Variants in FHAD1 observed in about 807,000 individuals in gnomAD.
FHAD1 encodes forkhead-associated domain-containing protein 1.
In FHAD1, 146 loss-of-function variants were observed where a neutral mutation model predicts 191.3. That is an observed-to-expected ratio of 0.76 (90% confidence interval 0.67 to 0.88). The LOEUF is 0.88. FHAD1 is among the 40% of genes least tolerant of loss of function. FHAD1 has a pLI of 0.00. For synonymous variants in FHAD1, 616 were observed against 672.3 expected, an observed-to-expected ratio of 0.92 and a Z score of 1.29; for missense variants, 1,635 against 1,785.8, an observed-to-expected ratio of 0.92 and a Z score of 1.52.
chr1:15,354,128 T>C (rs1462457279), intron 20 of FHAD1, among the ~76,000 whole-genome samples: 2 of 152,186 alleles, frequency 1.3e-5, no homozygotes, highest in East Asian at 3.8e-4. Flanking sequence ...ACATCAACCT[T>C]GGATCATTTT....
chr1:15,289,675 C>G lies in FHAD1; in HGVS notation c.568+9C>G. On this transcript the variant is annotated intron_variant, in intron 4 of 33. Coordinates refer to ENST00000688493, the MANE Select transcript of FHAD1 (RefSeq NM_001391957.1). This position sits in a 1 kb window ranked among gnomAD's most constrained non-coding sequence, Gnocchi z 4.2. Reference sequence around the variant, plus strand: ...ACCCGTCATCAAGCAAGGTATGCGTCAGGGCTGCCATTGGTGGCTTGGGGG... The same window carrying G: ...ACCCGTCATCAAGCAAGGTATGCGTGAGGGCTGCCATTGGTGGCTTGGGGG... The G allele has an allele frequency of 6.5e-7, 1 of 1,539,736 alleles. No individual in the cohort carries two copies. The highest frequency in any genetic ancestry group is 8.8e-7 in the Non-Finnish European group (1 of 1,137,488).
intron 3 of FHAD1, among the ~76,000 whole-genome samples, chr1:15,273,775 C>G (rs189732913): frequency 5.9e-4 from 90 of 152,310 alleles, no homozygotes; most frequent in Non-Finnish European, 1.1e-3. Context: ...TTCTAAGGAA[C>G]AGTTCAGTGT....
intron 5 of FHAD1, 66 bp downstream of exon 5, chr1:15,296,859 T>A (rs35516622): frequency 0.012 from 16,310 of 1,323,482 alleles, 274 homozygotes; most frequent in African/African-American, 0.073. Flanking sequence ...GACTTGCCGA[T>A]GCCTGTTCTG....
intron 26 of FHAD1, among the ~76,000 whole-genome samples, chr1:15,371,930 T>G (rs1186064837): frequency 6.6e-6 from 1 of 152,234 alleles, no homozygotes; most frequent in Non-Finnish European, 1.5e-5. Flanking sequence ...GCTCTGTATT[T>G]ATTGAGTACC....
In FHAD1 at chr1:15,360,462, A is replaced by G; in HGVS notation, c.2737-16A>G. 2 of 1,548,416 alleles carry G rather than the reference A, an allele frequency of 1.3e-6. No individual in the cohort carries two copies. The highest frequency in any genetic ancestry group is 2.4e-5 in the South Asian group (2 of 83,968). The stretch of plus-strand genomic sequence containing the variant: ...ACAGCTCCCAAGACCTCACTGAGTG[A>G]CTCTCTGTTTCCCAGATCATGGTGG... On this transcript the variant is annotated splice_polypyrimidine_tract_variant and intron_variant, in intron 21 of 33. Transcript: ENST00000688493.
At chr1:15,333,793 C>T (rs1431219564) in intron 14 of FHAD1, among the ~76,000 whole-genome samples, 2 of 147,618 alleles carry the variant, frequency 1.4e-5, no homozygotes, top group African/African-American at 2.5e-5. Flanking sequence ...CCCAGTGAGG[C>T]AGGTATGATT....
intron 14 of FHAD1, among the ~76,000 whole-genome samples, chr1:15,336,892 A>G (rs1261893676): frequency 6.6e-6 from 1 of 152,056 alleles, no homozygotes; most frequent in Non-Finnish European, 1.5e-5. Context: ...TTTTCCATTC[A>G]TTCCCAGCAG....
chr1:15,279,425 G>A (rs1345903061), intron 3 of FHAD1, among the ~76,000 whole-genome samples: 3 of 150,142 alleles, frequency 2.0e-5, no homozygotes, highest in African/African-American at 7.4e-5. Flanking sequence ...GGGATGCTCA[G>A]GAATCTGTCT....
At chr1:15,396,828 GTAAA>G (rs1706138066) in intron 33 of FHAD1, among the ~76,000 whole-genome samples, 1 of 151,202 alleles carries the variant, frequency 6.6e-6, no homozygotes, top group African/African-American at 2.4e-5. Flanking sequence ...ATAATAATAA[GTAAA>G]TAAATAAGTA....
downstream of FHAD1, among the ~76,000 whole-genome samples, chr1:15,400,527 GCCC>G (rs1707074308): frequency 6.6e-6 from 1 of 152,108 alleles, no homozygotes; most frequent in Non-Finnish European, 1.5e-5. Flanking sequence ...GAGCAATTTT[GCCC>G]CCCAAGAGAA....
chr1:15,251,900 C>A, intron 2 of FHAD1, 23 bp downstream of exon 2: 1 of 1,533,378 alleles, frequency 6.5e-7, no homozygotes, highest in South Asian at 1.2e-5. Flanking sequence ...CCCACCTGTT[C>A]CCGTCCCCTC....
intron 10 of FHAD1, among the ~76,000 whole-genome samples, chr1:15,323,260 T>A (rs1239149165): frequency 6.6e-6 from 1 of 152,152 alleles, no homozygotes; most frequent in Admixed American, 6.5e-5. Context: ...GGCAGTGATA[T>A]GAAGAACAGG....
Position 15,362,724 on chromosome 1 carries a change from G to A in FHAD1, c.3045G>A (p.Leu1015=), listed in dbSNP as rs1047459618. The A allele has an allele frequency of 2.6e-6, 4 of 1,551,360 alleles. No homozygotes were observed. Among genetic ancestry groups the A allele is most frequent in the East Asian group, 2.4e-5 (1 of 40,924 alleles). The part of the protein sequence containing the change: ...SSAKDMAYEH[L]IDDLLAAQKE... ...CCAAAGACATGGCGTACGAACATCT[G>A]ATGTGAGTACCCGTGGGTGTGTGAG... Residue 1015 remains leucine, a splice_region_variant and synonymous_variant, in exon 23 of 34, where the codon CTG becomes CTA. Transcript: ENST00000688493.
intron 17 of FHAD1, 67 bp from the exon 18 acceptor site, chr1:15,345,349 G>A (rs112655097): frequency 2.2e-5 from 31 of 1,431,678 alleles, no homozygotes; most frequent in African/African-American, 1.0e-4. Flanking sequence ...AAACCTGTGC[G>A]GTGCCTGGCA....
chr1:15,383,202 G>T (rs45541934), intron 31 of FHAD1: 286 of 471,490 alleles, frequency 6.1e-4, no homozygotes, highest in Non-Finnish European at 1.1e-3. Context: ...TGGTGAGGAT[G>T]AAAGAATGCA....
intron 28 of FHAD1, among the ~76,000 whole-genome samples, chr1:15,377,842 AG>A (rs1360185867): frequency 6.6e-6 from 1 of 152,134 alleles, no homozygotes; most frequent in African/African-American, 2.4e-5. Context: ...AAAAAAAAAA[AG>A]AAAAGAAAAA....
In FHAD1 at chr1:15,336,373, C is replaced by T. The variant is rs1252025341; in HGVS notation, c.1907-3108C>T. Among the ~76,000 whole-genome samples the T allele has an allele frequency of 2.0e-5, 3 of 152,172 alleles. No homozygotes were observed. In the East Asian group the frequency reaches 5.8e-4, roughly 29 times the overall value. On this transcript the variant is annotated intron_variant, in intron 14 of 33. Coordinates refer to ENST00000688493, the MANE Select transcript of FHAD1 (RefSeq NM_001391957.1). The stretch of plus-strand genomic sequence containing the variant: ...CCTCCGAATGGTGCATTGCCCCACA[C>T]AAGAACATGTTCTCCTCACTTCCTT...
At position 15,383,226 on chromosome 1, in the gene FHAD1, A is replaced by C. The variant is rs751495054; in HGVS notation, c.4188+1033A>C. 8.5e-5 allele frequency: 40 copies of C among 470,840 alleles called. No individual in the cohort carries two copies. The Middle Eastern group carries it at 8.1e-3, about 96-fold the overall frequency. 29.2% of individuals were successfully genotyped at this position (470,840 alleles called of 1,614,324 possible). On this transcript the variant is annotated intron_variant, in intron 31 of 33. Transcript: ENST00000688493. ...TGAAAGAATGCAGGCATCCCTCGCTATCTGCTGTCCACTCTCGCTGTCGTC... is the reference window on the plus strand; with the variant it reads ...TGAAAGAATGCAGGCATCCCTCGCTCTCTGCTGTCCACTCTCGCTGTCGTC...
intron 27 of FHAD1, among the ~76,000 whole-genome samples, 199 bp downstream of exon 27, chr1:15,374,830 C>T (rs1699095207): frequency 6.7e-6 from 1 of 150,128 alleles, no homozygotes; most frequent in Non-Finnish European, 1.5e-5. Flanking sequence ...GGATTTCATG[C>T]ATAACTCACT....
Sources: gnomAD v4.1 joint callset for allele counts (sites outside exome capture counted in the v4.1 genomes callset) on GRCh38, gnomAD v4.1.1 for gene constraint, Gnocchi (gnomAD v3.1) non-coding constraint, MANE v1.5 for transcripts, NCBI Gene and HGNC (gene_info 2026-07-23, HGNC 2026-07-21) for gene names.